FRMPD1: variants seen among roughly 807,000 people sequenced by gnomAD.
FRMPD1 encodes the protein FERM and PDZ domain-containing protein 1.
In FRMPD1, 76 loss-of-function variants were observed where a neutral mutation model predicts 117.8. That is an observed-to-expected ratio of 0.65 (90% CI 0.54 to 0.78). The LOEUF (loss-of-function observed/expected upper bound fraction) is 0.78. FRMPD1 is among the 30% of genes least tolerant of loss of function. The probability of loss-of-function intolerance (pLI) is 0.00; values close to 1 mark genes in which losing one functional copy is unlikely to be tolerated. For missense variants in FRMPD1, 1,786 were observed against 1,964.5 expected (o/e 0.91, Z 1.72); for synonymous variants, 783 against 770.4 (o/e 1.02, Z -0.27).
chr9:37,730,937 GA>G, intron 8 of FRMPD1, 46 bp from the exon 9 acceptor site: 1 of 1,607,298 alleles, frequency 6.2e-7, no homozygotes, highest in Non-Finnish European at 8.5e-7. Context: ...TGACTGCAAG[GA>G]CAAAGGCAGT....
At chr9:37,648,307 G>A (rs1026165366), upstream of FRMPD1, among the ~76,000 whole-genome samples, 2 of 152,078 alleles carry the variant, frequency 1.3e-5, no homozygotes, top group Admixed American at 6.5e-5. Flanking sequence ...TATTACATAA[G>A]GTACCCTAAG....
At chr9:37,693,168 G>A (rs1822207680) in intron 2 of FRMPD1, 1 of 159,914 alleles carries the variant, frequency 6.3e-6, no homozygotes, top group Non-Finnish European at 1.4e-5. Context: ...TGACATGAAG[G>A]TCAGGTAATC....
At chr9:37,706,569 G>A (rs10758452) in intron 2 of FRMPD1, among the ~76,000 whole-genome samples, 50,036 of 152,032 alleles carry the variant, frequency 0.33, 8,837 homozygotes, top group East Asian at 0.74. Context: ...ATTTGCCACA[G>A]GTGAATGACA....
At position 37,739,729 on chromosome 9, in the gene FRMPD1, G is replaced by A. The variant is rs531031837; in HGVS notation, c.1550-349G>A. Among the ~76,000 whole-genome samples the A allele has an allele frequency of 2.6e-5, 4 of 152,332 alleles. No individual in the cohort carries two copies. The East Asian group carries it at 7.7e-4, about 29-fold the overall frequency. ...TGACGCCCAGGCAGGATAGAACTGA[G>A]GTCTGGGGAGGGGCTTAGCAAACCT... On this transcript the variant is annotated intron_variant, in intron 14 of 15. Coordinates refer to ENST00000377765, the MANE Select transcript of FRMPD1 (RefSeq NM_014907.3).
chr9:37,746,097 CAG>C lies in FRMPD1; in HGVS notation c.4066_4067del (p.Arg1356GlyfsTer64). 2 of 1,614,210 alleles carry C rather than the reference CAG, an allele frequency of 1.2e-6. No homozygotes were observed. Among genetic ancestry groups the C allele is most frequent in the Non-Finnish European group, 8.5e-7 (1 of 1,180,036 alleles). On this transcript the variant is annotated frameshift_variant, in exon 16 of 16. Coordinates refer to ENST00000377765, the MANE Select transcript of FRMPD1 (RefSeq NM_014907.3). LOFTEE classifies it high-confidence loss of function. ...GPQPETEEED[R>X]DLEAHPMAPL... ...CGCAGCCTGAGACAGAGGAAGAAGA[CAG>C]GGACTTGGAAGCACACCCCATGGCC...
At chr9:37,653,852 A>G (rs552299606) in intron 1 of FRMPD1, among the ~76,000 whole-genome samples, 12 of 152,242 alleles carry the variant, frequency 7.9e-5, no homozygotes, top group African/African-American at 2.6e-4. Flanking sequence ...GCTACTTGGG[A>G]GGCTGAGGTG....
chr9:37,671,297 T>C (rs1445813242), intron 1 of FRMPD1, among the ~76,000 whole-genome samples: 1 of 152,234 alleles, frequency 6.6e-6, no homozygotes, highest in African/African-American at 2.4e-5. Flanking sequence ...CTAATGGGAA[T>C]AGTTGTAGGA....
Position 37,746,870 on chromosome 9 carries a change from T to C in FRMPD1, c.*101T>C. ...ACCCACCCTCTTCAAATGTTTACTA[T>C]ATAGAGTATTCAAATAAACTGCTGC... On this transcript the variant is annotated 3_prime_UTR_variant, in exon 16 of 16. Transcript: ENST00000377765. The C allele has an allele frequency of 2.7e-6, 2 of 747,790 alleles. No individual in the cohort carries two copies. Among genetic ancestry groups the C allele is most frequent in the Non-Finnish European group, 4.4e-6 (2 of 450,620 alleles). 46.3% of individuals were successfully genotyped at this position (747,790 alleles called of 1,614,324 possible). A position where few individuals can be genotyped will look rare whatever the true frequency, so the allele number is the denominator to read the frequency against.
chr9:37,628,722 A>G, the FRMPD1 span, among the ~76,000 whole-genome samples: 1 of 152,216 alleles, frequency 6.6e-6, no homozygotes, highest in Non-Finnish European at 1.5e-5. Context: ...AGTGAGGAGA[A>G]GGGACTTAGG....
intron 1 of FRMPD1, among the ~76,000 whole-genome samples, chr9:37,653,954 C>T (rs1487491087): frequency 6.6e-6 from 1 of 152,026 alleles, no homozygotes; most frequent in Non-Finnish European, 1.5e-5. Flanking sequence ...GAGTGAGACT[C>T]CATCTCTAAA....
At chr9:37,647,057 G>A (rs1463748515), upstream of FRMPD1, among the ~76,000 whole-genome samples, 1 of 152,040 alleles carries the variant, frequency 6.6e-6, no homozygotes, top group Non-Finnish European at 1.5e-5. Flanking sequence ...ATTACATGGT[G>A]TCACTAAAAA....
intron 5 of FRMPD1, among the ~76,000 whole-genome samples, chr9:37,717,850 C>T (rs781279349): frequency 2.0e-5 from 3 of 152,126 alleles, no homozygotes; most frequent in Non-Finnish European, 4.4e-5. Context: ...CACAAGCCCC[C>T]TAGATTCAAG....
intron 5 of FRMPD1, among the ~76,000 whole-genome samples, chr9:37,714,493 CTG>C (rs1823028561): frequency 6.6e-6 from 1 of 152,208 alleles, no homozygotes; most frequent in African/African-American, 2.4e-5. Flanking sequence ...TTAGCCCAGT[CTG>C]TGGCCACCAG....
At chr9:37,626,978 C>T in the FRMPD1 span, among the ~76,000 whole-genome samples, 34,852 of 151,892 alleles carry the variant, frequency 0.23, 4,146 homozygotes, top group Middle Eastern at 0.24. Flanking sequence ...GTCTTCATTC[C>T]CTTTAATGTA....
At chr9:37,718,249 A>G (rs73445165) in intron 5 of FRMPD1, among the ~76,000 whole-genome samples, 6,868 of 152,240 alleles carry the variant, frequency 0.045, 212 homozygotes, top group South Asian at 0.081. Flanking sequence ...CTCTTCTCCC[A>G]TCTTCACAGA....
chr9:37,739,184 G>T (rs1824269360), intron 14 of FRMPD1, among the ~76,000 whole-genome samples: 1 of 152,162 alleles, frequency 6.6e-6, no homozygotes, highest in African/African-American at 2.4e-5. Flanking sequence ...GGGAGAGGGG[G>T]AAGAGCCTGC....
the FRMPD1 span, among the ~76,000 whole-genome samples, chr9:37,620,945 T>G: frequency 3.3e-5 from 5 of 152,242 alleles, no homozygotes; most frequent in Non-Finnish European, 7.3e-5. Flanking sequence ...TGATGTGACA[T>G]CCAATATTTT....
chr9:37,684,464 C>G (rs1180213815), intron 1 of FRMPD1, among the ~76,000 whole-genome samples: 4 of 152,014 alleles, frequency 2.6e-5, no homozygotes, highest in African/African-American at 4.8e-5. Flanking sequence ...CAGACTTTAT[C>G]CTAAAGATGA....
the FRMPD1 span, chr9:37,637,429 T>C: frequency 1.9e-5 from 12 of 628,536 alleles, no homozygotes; most frequent in African/African-American, 1.6e-4. Flanking sequence ...CCCTTTTTAG[T>C]ATACAGTTCT....
Sources: gnomAD v4.1 joint callset for allele counts (sites outside exome capture counted in the v4.1 genomes callset) on GRCh38, gnomAD v4.1.1 for gene constraint, MANE v1.5 for transcripts, NCBI Gene and HGNC (gene_info 2026-07-23, HGNC 2026-07-21) for gene names.